The following NECTIN1 variants were observed in gnomAD, a reference collection of about 807,000 sequenced individuals.
NECTIN1 encodes nectin-1.
NECTIN1 carries 23 observed loss-of-function variants against 48.0 expected under a neutral mutation model. The ratio of observed to expected loss-of-function variants is 0.48; its 90% CI spans 0.34 to 0.68. NECTIN1 has a LOEUF of 0.68. Ranked by LOEUF, NECTIN1 falls within the 30% of genes least tolerant of loss-of-function variation. The probability of loss-of-function intolerance (pLI) is 0.01; values close to 1 mark genes in which losing one functional copy is unlikely to be tolerated. For missense variants in NECTIN1, 591 were observed against 709.9 expected (o/e 0.83, Z 1.90); for synonymous variants, 270 against 288.9 (o/e 0.93, Z 0.66).
rs370742584 is a variant in NECTIN1 at position 119,676,972 on chromosome 11, G to A, written c.851+130C>T. 50 of 777,798 alleles carry A rather than the reference G, an allele frequency of 6.4e-5. No individual in the cohort carries two copies. In the East Asian group the frequency reaches 8.4e-4, roughly 13 times the overall value. 48.2% of individuals were successfully genotyped at this position (777,798 alleles called of 1,614,324 possible). A position where few individuals can be genotyped will look rare whatever the true frequency, so the allele number is the denominator to read the frequency against. ...GTGGGGGTTGTTCTCTCATGGCCCC[G>A]CTTCTTACTGAGCCCAGACCCTAAT... On this transcript the variant is annotated intron_variant, in intron 4 of 5. Coordinates refer to ENST00000264025, the MANE Select transcript of NECTIN1 (RefSeq NM_002855.5).
In NECTIN1 at chr11:119,672,308, G is replaced by C. The variant is rs1864871810; in HGVS notation, c.1003+2851C>G. 6.6e-6 allele frequency among the ~76,000 whole-genome samples: 1 copy of C among 151,918 alleles called. No homozygotes were observed. The highest frequency in any genetic ancestry group is 2.1e-4 in the South Asian group (1 of 4,804). ...CACAGGGATAGAGGCTGCCTCATCTGTTTTTTTTCAGTCTGGTGGAGGCTG... is the reference window on the plus strand; with the variant it reads ...CACAGGGATAGAGGCTGCCTCATCTCTTTTTTTTCAGTCTGGTGGAGGCTG... On this transcript the variant is annotated intron_variant, in intron 5 of 5. Coordinates refer to ENST00000264025, the MANE Select transcript of NECTIN1 (RefSeq NM_002855.5). This position sits in a 1 kb window ranked among gnomAD's most constrained non-coding sequence, Gnocchi z 4.3.
In NECTIN1 at chr11:119,646,037, T is replaced by C. The variant is rs553958554; in HGVS notation, c.1004-6025A>G. Among the ~76,000 whole-genome samples, 51 of 152,354 alleles carry C rather than the reference T, an allele frequency of 3.3e-4. 1 individual carries two copies. The South Asian group carries it at 0.011, about 32-fold the overall frequency. On this transcript the variant is annotated intron_variant, in intron 5 of 7. Coordinates refer to the NECTIN1 transcript ENST00000341398. ...TGCGCTGGAGCTGCTGGGAGTCCCC[T>C]GCCTCCTGGCCTTTTCCTTGAGTTG...
chr11:119,723,318 G>C lies in NECTIN1; in HGVS notation c.79+5157C>G, dbSNP rs1865863300. Among the ~76,000 whole-genome samples the C allele has an allele frequency of 2.0e-5, 3 of 151,598 alleles. 1 individual carries two copies. Among genetic ancestry groups the C allele is most frequent in the Admixed American group, 2.0e-4 (3 of 15,244 alleles). ...TTGGTAGAGGTGGGATTCCAACCCAGGCCAGTGGGCCCCAATTTGCAATCT... is the reference window on the plus strand; with the variant it reads ...TTGGTAGAGGTGGGATTCCAACCCACGCCAGTGGGCCCCAATTTGCAATCT... On this transcript the variant is annotated intron_variant, in intron 1 of 5. Coordinates refer to ENST00000264025, the MANE Select transcript of NECTIN1 (RefSeq NM_002855.5).
downstream of NECTIN1, among the ~76,000 whole-genome samples, chr11:119,660,733 C>T (rs1293914685): frequency 6.6e-6 from 1 of 152,178 alleles, no homozygotes; most frequent in East Asian, 1.9e-4. Flanking sequence ...AAAGGCCTCC[C>T]TCCTGTGTCT....
At chr11:119,645,593 T>G (rs889053735) in intron 5 of NECTIN1, among the ~76,000 whole-genome samples, 5 of 152,196 alleles carry the variant, frequency 3.3e-5, no homozygotes, top group African/African-American at 1.2e-4. Context: ...CTCCTCAGCC[T>G]GTCCCCCAAG....
intron 1 of NECTIN1, among the ~76,000 whole-genome samples, chr11:119,697,150 G>A (rs1865355134): frequency 6.6e-6 from 1 of 152,150 alleles, no homozygotes; most frequent in African/African-American, 2.4e-5. Context: ...TTAGGGCGGG[G>A]AGACGCTTTG....
intron 1 of NECTIN1, among the ~76,000 whole-genome samples, chr11:119,692,653 C>T (rs903493208): frequency 1.2e-4 from 18 of 152,244 alleles, no homozygotes; most frequent in Non-Finnish European, 2.6e-4. Flanking sequence ...CTGTGCCAGG[C>T]CTGGGGCTGG....
At chr11:119,689,851 C>T (rs1234886666) in intron 1 of NECTIN1, among the ~76,000 whole-genome samples, 2 of 152,224 alleles carry the variant, frequency 1.3e-5, no homozygotes, top group Non-Finnish European at 2.9e-5. Context: ...GATCAGTGAC[C>T]AGGGCCCCAG....
At chr11:119,659,581 C>A (rs976877385), downstream of NECTIN1, among the ~76,000 whole-genome samples, 1 of 152,184 alleles carries the variant, frequency 6.6e-6, no homozygotes, top group Non-Finnish European at 1.5e-5. Flanking sequence ...GACTAGAAGA[C>A]TAAGAGTATG....
At chr11:119,680,759 C>T (rs1189298399) in intron 1 of NECTIN1, among the ~76,000 whole-genome samples, 2 of 152,264 alleles carry the variant, frequency 1.3e-5, no homozygotes, top group East Asian at 1.9e-4. Flanking sequence ...ATCCACACAG[C>T]CCTCAAGGTC....
In NECTIN1 at chr11:119,677,325, C is replaced by A. The variant is rs1864970492; in HGVS notation, c.734-106G>T. On this transcript the variant is annotated intron_variant, in intron 3 of 5. Transcript: ENST00000264025. The surrounding 1 kb of genome is among the most constrained non-coding windows in gnomAD (Gnocchi z 5.4). ...GGAAGGAGCAGTGGCATGGAAACAG[C>A]CAGGAGAGAGGGAAGTGTGGGTGGG... 5 of 1,139,590 alleles carry A rather than the reference C, an allele frequency of 4.4e-6. No homozygotes were observed. Among genetic ancestry groups the A allele is most frequent in the Non-Finnish European group, 5.3e-6 (4 of 756,446 alleles). 70.6% of individuals were successfully genotyped at this position (1,139,590 alleles called of 1,614,324 possible).
At chr11:119,707,255 C>T (rs950980820) in intron 1 of NECTIN1, among the ~76,000 whole-genome samples, 3 of 152,304 alleles carry the variant, frequency 2.0e-5, no homozygotes, top group Admixed American at 6.5e-5. Flanking sequence ...CCACTGACCT[C>T]TCTCCCCACC....
intron 5 of NECTIN1, chr11:119,674,599 A>G: frequency 5.0e-6 from 8 of 1,614,182 alleles, no homozygotes; most frequent in Non-Finnish European, 6.8e-6. Flanking sequence ...TCCTCAGAAC[A>G]TCCTAGCTCT....
At chr11:119,660,410 C>T (rs1489065849), downstream of NECTIN1, among the ~76,000 whole-genome samples, 1 of 150,358 alleles carries the variant, frequency 6.7e-6, no homozygotes, top group Admixed American at 6.6e-5. Context: ...TGGGGGGGTA[C>T]AGGAGGGGTG....
intron 5 of NECTIN1, among the ~76,000 whole-genome samples, chr11:119,647,061 C>T (rs912234901): frequency 6.6e-6 from 1 of 152,118 alleles, no homozygotes; most frequent in Non-Finnish European, 1.5e-5. Context: ...TGGCTCTCAG[C>T]TTTCCTTAGT....
At position 119,678,951 on chromosome 11, in the gene NECTIN1, C is replaced by T. The variant is rs1865012396; in HGVS notation, c.80-186G>A. On this transcript the variant is annotated intron_variant, in intron 1 of 5. Coordinates refer to ENST00000264025, the MANE Select transcript of NECTIN1 (RefSeq NM_002855.5). This position sits in a 1 kb window ranked among gnomAD's most constrained non-coding sequence, Gnocchi z 4.4. ...CTGAAAAATCATGAGAAGAAAGTGA[C>T]AACATCCCATGATCCTTCCGCTCAG... 6.6e-6 allele frequency among the ~76,000 whole-genome samples: 1 copy of T among 152,170 alleles called. No individual in the cohort carries two copies. Among genetic ancestry groups the T allele is most frequent in the Admixed American group, 6.5e-5 (1 of 15,286 alleles).
chr11:119,715,409 G>A (rs959468195), intron 1 of NECTIN1, among the ~76,000 whole-genome samples: 1 of 152,056 alleles, frequency 6.6e-6, no homozygotes, highest in Non-Finnish European at 1.5e-5. Flanking sequence ...AGGCTGGGGT[G>A]CAATGGTGTG....
intron 5 of NECTIN1, among the ~76,000 whole-genome samples, chr11:119,648,313 GTGATGGTGATGGTGGTGA>G (rs1864434961): frequency 2.9e-5 from 1 of 34,458 alleles, no homozygotes; most frequent in Non-Finnish European, 5.3e-5. Context: ...GGTGATGGTG[GTGATGGTGATGGTGGTGA>G]TGGTGGTGGT....
chr11:119,713,727 T>A (rs1357708035), intron 1 of NECTIN1: 1 of 412,410 alleles, frequency 2.4e-6, no homozygotes, highest in East Asian at 7.4e-5. Flanking sequence ...TGAGGGGCAG[T>A]CATGTCCTCT....
Sources: allele counts gnomAD v4.1 joint callset (sites outside exome capture counted in the v4.1 genomes callset), GRCh38; gene constraint gnomAD v4.1.1; non-coding constraint Gnocchi (gnomAD v3.1); transcripts MANE v1.5; gene names NCBI Gene and HGNC (gene_info 2026-07-23, HGNC 2026-07-21).